KCNMA1: variants seen among roughly 807,000 people sequenced by gnomAD.
KCNMA1 encodes Calcium-activated potassium channel subunit alpha-1.
KCNMA1 carries 29 observed loss-of-function variants against 140.0 expected under a neutral mutation model. That is an observed-to-expected ratio of 0.21 (90% CI 0.15 to 0.28). The LOEUF (loss-of-function observed/expected upper bound fraction) is 0.28, where lower values mean the gene tolerates loss of function less well. Among genes scored for constraint, KCNMA1 ranks in the 10% least tolerant of loss-of-function variants. KCNMA1 has a pLI of 1.00. For synonymous variants in KCNMA1, 612 were observed against 611.9 expected (o/e 1.00, Z 0.00); for missense variants, 880 against 1,602.2 (o/e 0.55, Z 7.70).
chr10:77,517,084 C>T (rs747957942), intron 1 of KCNMA1, among the ~76,000 whole-genome samples: 2 of 151,628 alleles, frequency 1.3e-5, no homozygotes, highest in Non-Finnish European at 2.9e-5. Flanking sequence ...TGGGGAAGGG[C>T]GCATTGGTGA....
intron 21 of KCNMA1, among the ~76,000 whole-genome samples, chr10:76,950,374 A>G (rs2065804942): frequency 6.6e-6 from 1 of 152,116 alleles, no homozygotes; most frequent in Non-Finnish European, 1.5e-5. Context: ...TCTTCCTCCA[A>G]CTCCAAACCT....
chr10:77,561,642 AAACATTT>A (rs1205467992), intron 1 of KCNMA1, among the ~76,000 whole-genome samples: 1 of 152,174 alleles, frequency 6.6e-6, no homozygotes, highest in Non-Finnish European at 1.5e-5. Context: ...GAGGGATGGA[AAACATTT>A]AACAATGGGT....
chr10:77,380,837 C>A (rs1007073082), intron 2 of KCNMA1, among the ~76,000 whole-genome samples: 3 of 152,182 alleles, frequency 2.0e-5, no homozygotes, highest in Admixed American at 2.0e-4. Context: ...AAGCATCCAG[C>A]GTGTCTGCTG....
chr10:77,455,636 C>T (rs2097750335), intron 1 of KCNMA1, among the ~76,000 whole-genome samples: 1 of 152,176 alleles, frequency 6.6e-6, no homozygotes, highest in Admixed American at 6.5e-5. Context: ...TCAGGCAGGG[C>T]TTGAGGCCAC....
chr10:77,338,053 C>T (rs1178736767), intron 2 of KCNMA1, among the ~76,000 whole-genome samples: 1 of 152,192 alleles, frequency 6.6e-6, no homozygotes. Flanking sequence ...ATTGGCGCCT[C>T]TCTTTACTAA....
At chr10:77,556,633 C>A (rs2064576979) in intron 1 of KCNMA1, among the ~76,000 whole-genome samples, 1 of 151,860 alleles carries the variant, frequency 6.6e-6, no homozygotes, top group African/African-American at 2.4e-5. Context: ...GATTATGCTG[C>A]ATCTGGTGGA....
In KCNMA1 at chr10:77,423,197, A is replaced by G. The variant is rs1603579009; in HGVS notation, c.379-19174T>C. Among the ~76,000 whole-genome samples, 4 of 152,368 alleles carry G rather than the reference A, an allele frequency of 2.6e-5. No homozygotes were observed. The East Asian group carries it at 7.7e-4, about 29-fold the overall frequency. On this transcript the variant is annotated intron_variant, in intron 1 of 27. Coordinates refer to ENST00000286628, the MANE Select transcript of KCNMA1 (RefSeq NM_001161352.2). ...CTTAGGGCTGGATTTGGCAAAAAGC[A>G]TGTGATTATTTTTTACTCTTAAAAA...
At chr10:76,974,207 A>C in intron 19 of KCNMA1, 1 of 380,582 alleles carries the variant, frequency 2.6e-6, no homozygotes, top group Non-Finnish European at 4.8e-6. Context: ...TCAGAATAAG[A>C]GTCATGCAAA....
At chr10:77,053,727 C>G (rs11001999) in intron 14 of KCNMA1, among the ~76,000 whole-genome samples, 63,792 of 151,912 alleles carry the variant, frequency 0.42, 15,107 homozygotes, top group Non-Finnish European at 0.54. Context: ...CCAGTTCTGA[C>G]CCAGTCTCAA....
At chr10:76,943,492 T>A (rs1056132764) in intron 23 of KCNMA1, among the ~76,000 whole-genome samples, 3 of 152,126 alleles carry the variant, frequency 2.0e-5, no homozygotes, top group Admixed American at 2.0e-4. Flanking sequence ...CCCCAGCCCC[T>A]CTCTCAGTCT....
At chr10:77,492,523 T>C (rs1353584240) in intron 1 of KCNMA1, among the ~76,000 whole-genome samples, 1 of 152,152 alleles carries the variant, frequency 6.6e-6, no homozygotes, top group African/African-American at 2.4e-5. Context: ...CTGAGGATCC[T>C]AGCTGGTATC....
intron 1 of KCNMA1, among the ~76,000 whole-genome samples, chr10:77,549,234 G>C (rs939964350): frequency 6.6e-6 from 1 of 152,204 alleles, no homozygotes; most frequent in Non-Finnish European, 1.5e-5. Context: ...AAGGAAATAT[G>C]TGTCCTGTCC....
At chr10:77,526,488 C>T (rs577051065) in intron 1 of KCNMA1, among the ~76,000 whole-genome samples, 46 of 152,318 alleles carry the variant, frequency 3.0e-4, no homozygotes, top group Non-Finnish European at 6.2e-4. Flanking sequence ...GCCTGACATC[C>T]TTTCTTTCTC....
chr10:76,887,264 T>C lies in KCNMA1; in HGVS notation c.*2A>G, dbSNP rs1380804645. ...TTCACACAGTGGCGGTGGATACACA[T>C]ATCAAAGCCGCTCTTCCTGCACGTA... On this transcript the variant is annotated 3_prime_UTR_variant, in exon 28 of 28. Transcript: ENST00000286628. The C allele has an allele frequency of 1.2e-6, 2 of 1,613,778 alleles. No homozygotes were observed. The highest frequency in any genetic ancestry group is 2.7e-5 in the African/African-American group (2 of 74,852).
chr10:77,310,187 A>G (rs1253419528), intron 2 of KCNMA1, among the ~76,000 whole-genome samples: 1 of 152,234 alleles, frequency 6.6e-6, no homozygotes. Context: ...AGCGTGCACT[A>G]GTACAACTAA....
chr10:77,159,755 G>A (rs1488257626), intron 5 of KCNMA1, among the ~76,000 whole-genome samples: 21 of 152,052 alleles, frequency 1.4e-4, no homozygotes, highest in Non-Finnish European at 8.8e-5. Flanking sequence ...CCTGGGACAC[G>A]TCAGGCTGTC....
At chr10:77,439,833 A>G (rs1003243482) in intron 1 of KCNMA1, among the ~76,000 whole-genome samples, 2 of 152,188 alleles carry the variant, frequency 1.3e-5, no homozygotes, top group Non-Finnish European at 2.9e-5. Flanking sequence ...GTACACCTCA[A>G]GGGGATACCA....
chr10:77,573,941 G>T (rs1242044241), intron 1 of KCNMA1, among the ~76,000 whole-genome samples: 2 of 150,888 alleles, frequency 1.3e-5, no homozygotes, highest in African/African-American at 4.9e-5. Context: ...AGGCTCAAGT[G>T]ATTCTCCCAC....
intron 1 of KCNMA1, among the ~76,000 whole-genome samples, chr10:77,621,420 G>T (rs534536222): frequency 3.3e-5 from 5 of 152,174 alleles, no homozygotes; most frequent in African/African-American, 1.2e-4. Context: ...ACACCAGGTT[G>T]CACAGGCCCA....
Sources: allele counts gnomAD v4.1 joint callset (sites outside exome capture counted in the v4.1 genomes callset), GRCh38; gene constraint gnomAD v4.1.1; transcripts MANE v1.5; gene names NCBI Gene and HGNC (gene_info 2026-07-23, HGNC 2026-07-21).